CAMK1D: variants seen among roughly 807,000 people sequenced by gnomAD.
CAMK1D encodes calcium/calmodulin dependent protein kinase ID.
A neutral mutation model predicts 47.7 loss-of-function variants in CAMK1D; 9 were observed. That is an observed-to-expected ratio of 0.19 (90% CI 0.11 to 0.33). The LOEUF (loss-of-function observed/expected upper bound fraction) is 0.33. Among genes scored for constraint, CAMK1D ranks in the 10% least tolerant of loss-of-function variants. CAMK1D has a pLI of 1.00. For missense variants in CAMK1D, 291 were observed against 488.7 expected (o/e 0.60, Z 3.81); for synonymous variants, 184 against 184.9 (o/e 0.99, Z 0.04).
chr10:12,636,479 C>T (rs779686620), intron 2 of CAMK1D, among the ~76,000 whole-genome samples: 4 of 152,136 alleles, frequency 2.6e-5, no homozygotes, highest in Non-Finnish European at 5.9e-5. Context: ...AGGTGTGTGC[C>T]ACCACACCAG....
intron 1 of CAMK1D, among the ~76,000 whole-genome samples, chr10:12,392,132 G>A (rs1337394122): frequency 2.0e-5 from 3 of 151,968 alleles, no homozygotes; most frequent in Admixed American, 1.3e-4. Context: ...GTGAAACTCC[G>A]TTTCTACTAA....
chr10:12,667,241 T>C (rs1463985311), intron 3 of CAMK1D, among the ~76,000 whole-genome samples: 1 of 152,234 alleles, frequency 6.6e-6, no homozygotes, highest in Non-Finnish European at 1.5e-5. Flanking sequence ...TAACTGTGTA[T>C]ACCCGTTTCT....
At chr10:12,559,365 G>A (rs181235649) in intron 2 of CAMK1D, among the ~76,000 whole-genome samples, 1 of 152,280 alleles carries the variant, frequency 6.6e-6, no homozygotes, top group Non-Finnish European at 1.5e-5. Context: ...AGAATTGGAG[G>A]TAATGGCAGG....
At chr10:12,570,797 AT>A (rs940596659) in intron 2 of CAMK1D, among the ~76,000 whole-genome samples, 8 of 151,344 alleles carry the variant, frequency 5.3e-5, no homozygotes, top group African/African-American at 2.0e-4. Flanking sequence ...AAAATAAAAA[AT>A]AAATTAGCCA....
chr10:12,584,636 A>G (rs1037952673), intron 2 of CAMK1D, among the ~76,000 whole-genome samples: 2 of 152,012 alleles, frequency 1.3e-5, no homozygotes, highest in South Asian at 2.1e-4. Context: ...CCTGGGCAAC[A>G]TGGCAAAACC....
chr10:12,441,006 C>T (rs1040687077), intron 1 of CAMK1D, among the ~76,000 whole-genome samples: 2 of 152,240 alleles, frequency 1.3e-5, no homozygotes, highest in African/African-American at 4.8e-5. Context: ...GGGTTGTGCC[C>T]TATTCCCAGA....
intron 1 of CAMK1D, among the ~76,000 whole-genome samples, chr10:12,478,964 T>G (rs1050119446): frequency 1.7e-4 from 26 of 152,240 alleles, no homozygotes; most frequent in African/African-American, 6.3e-4. Flanking sequence ...ACGTATTTTC[T>G]CCTTTAATTC....
intron 10 of CAMK1D, among the ~76,000 whole-genome samples, 167 bp from the exon 11 acceptor site, chr10:12,828,602 C>T (rs1185930923): frequency 6.6e-6 from 1 of 151,566 alleles, no homozygotes; most frequent in Non-Finnish European, 1.5e-5. Flanking sequence ...GATCGTGCCA[C>T]TGCACTCCAG....
At chr10:12,794,154 C>T (rs1236812051) in intron 6 of CAMK1D, among the ~76,000 whole-genome samples, 1 of 152,072 alleles carries the variant, frequency 6.6e-6, no homozygotes, top group African/African-American at 2.4e-5. Context: ...CCTGGGGAGG[C>T]AGTGATTATG....
intron 2 of CAMK1D, among the ~76,000 whole-genome samples, chr10:12,639,947 T>C (rs1349789839): frequency 6.6e-6 from 1 of 152,234 alleles, no homozygotes; most frequent in Non-Finnish European, 1.5e-5. Flanking sequence ...GTAGCTCTGC[T>C]CGCACAATTG....
chr10:12,591,424 C>G (rs902437969), intron 2 of CAMK1D, among the ~76,000 whole-genome samples: 2 of 152,234 alleles, frequency 1.3e-5, no homozygotes, highest in Non-Finnish European at 2.9e-5. Context: ...ACGGCACCTG[C>G]CAACAGCTGC....
intron 3 of CAMK1D, among the ~76,000 whole-genome samples, chr10:12,690,108 C>T (rs1330297730): frequency 6.6e-6 from 1 of 152,160 alleles, no homozygotes. Flanking sequence ...TCTTCCATCT[C>T]CGTGTGGACC....
At chr10:12,611,576 G>A (rs1208377065) in intron 2 of CAMK1D, among the ~76,000 whole-genome samples, 1 of 91,624 alleles carries the variant, frequency 1.1e-5, no homozygotes, top group Admixed American at 1.3e-4. Context: ...TTCCCTGAAT[G>A]TTTCAGAATG....
intron 1 of CAMK1D, among the ~76,000 whole-genome samples, chr10:12,510,420 A>AAAG (rs1835006067): frequency 1.3e-5 from 2 of 152,076 alleles, no homozygotes; most frequent in South Asian, 4.1e-4. Flanking sequence ...CGTCTAAAAA[A>AAAG]AAATAATAAT....
intron 1 of CAMK1D, among the ~76,000 whole-genome samples, chr10:12,536,756 C>T (rs552534483): frequency 2.5e-4 from 38 of 152,202 alleles, no homozygotes; most frequent in Middle Eastern, 3.4e-3. Flanking sequence ...TTGATATAAA[C>T]GGAAGAAATA....
chr10:12,751,116 GATAAGATA>G (rs1835957808), intron 3 of CAMK1D, among the ~76,000 whole-genome samples: 11 of 89,698 alleles, frequency 1.2e-4, no homozygotes, highest in East Asian at 6.5e-4. Flanking sequence ...GATAAGATAA[GATAAGATA>G]AGAAGGCTTC....
intron 2 of CAMK1D, among the ~76,000 whole-genome samples, chr10:12,622,858 C>T (rs1839041039): frequency 6.6e-6 from 1 of 151,912 alleles, no homozygotes; most frequent in African/African-American, 2.4e-5. Flanking sequence ...GAGTGAGTAG[C>T]GTGTTTGAAA....
chr10:12,764,389 A>AAAAAAAAAAAAC (rs1564544184), intron 4 of CAMK1D, among the ~76,000 whole-genome samples: 2 of 151,332 alleles, frequency 1.3e-5, no homozygotes, highest in Admixed American at 6.6e-5. Context: ...CTCAAAAAAA[A>AAAAAAAAAAAAC]AAAAAAAAAC....
intron 1 of CAMK1D, among the ~76,000 whole-genome samples, chr10:12,477,004 G>A (rs1168081088): frequency 6.6e-6 from 1 of 152,172 alleles, no homozygotes; most frequent in Non-Finnish European, 1.5e-5. Flanking sequence ...GCAGAGTTAT[G>A]TAGGCAGTTG....
Sources: allele counts gnomAD v4.1 joint callset (sites outside exome capture counted in the v4.1 genomes callset), GRCh38; gene constraint gnomAD v4.1.1; transcripts MANE v1.5; gene names NCBI Gene and HGNC (gene_info 2026-07-23, HGNC 2026-07-21).